MACROD2: variants seen among roughly 807,000 people sequenced by gnomAD.
MACROD2 encodes the protein mono-ADP ribosylhydrolase 2.
A neutral mutation model predicts 70.4 loss-of-function variants in MACROD2; 36 were observed. The observed-to-expected ratio is 0.51, with a 90% CI of 0.39 to 0.68. MACROD2 has a LOEUF of 0.68. Among genes scored for constraint, MACROD2 ranks in the 30% least tolerant of loss-of-function variants. The pLI is 0.00. For missense variants in MACROD2, 496 were observed against 538.4 expected (o/e 0.92, Z 0.78); for synonymous variants, 172 against 178.8 (o/e 0.96, Z 0.30).
intron 8 of MACROD2, among the ~76,000 whole-genome samples, chr20:15,731,620 A>G (rs2050944360): frequency 1.7e-5 from 1 of 58,536 alleles, no homozygotes; most frequent in African/African-American, 4.8e-5. Flanking sequence ...TGACCAAAGC[A>G]CTTCACTGGG....
At chr20:14,256,806 A>G (rs747861107) in intron 3 of MACROD2, among the ~76,000 whole-genome samples, 1 of 152,148 alleles carries the variant, frequency 6.6e-6, no homozygotes, top group Non-Finnish European at 1.5e-5. Context: ...CAGATTCTAG[A>G]TATTTGGCTT....
chr20:14,048,461 T>C (rs2053510665), intron 2 of MACROD2, among the ~76,000 whole-genome samples: 1 of 152,078 alleles, frequency 6.6e-6, no homozygotes, highest in Non-Finnish European at 1.5e-5. Context: ...GTTTCAAGCT[T>C]TAAGACCAGA....
intron 8 of MACROD2, among the ~76,000 whole-genome samples, chr20:15,770,409 A>G (rs1436784376): frequency 6.6e-6 from 1 of 152,102 alleles, no homozygotes; most frequent in African/African-American, 2.4e-5. Flanking sequence ...TGAAAGACTG[A>G]CTTCACTTCT....
At chr20:14,976,792 G>T (rs58783016) in intron 5 of MACROD2, among the ~76,000 whole-genome samples, 18,770 of 152,142 alleles carry the variant, frequency 0.12, 1,463 homozygotes, top group East Asian at 0.33. Flanking sequence ...CCATTTCCTC[G>T]TGTGTAAAAT....
intron 3 of MACROD2, among the ~76,000 whole-genome samples, chr20:14,098,283 A>T (rs965558421): frequency 1.3e-5 from 2 of 152,250 alleles, no homozygotes; most frequent in African/African-American, 4.8e-5. Context: ...TAGCTGTGAC[A>T]GTATTTACTT....
At chr20:14,138,339 C>T (rs1264092367) in intron 3 of MACROD2, among the ~76,000 whole-genome samples, 2 of 151,928 alleles carry the variant, frequency 1.3e-5, no homozygotes, top group African/African-American at 4.8e-5. Flanking sequence ...TAACAATAGC[C>T]AAGATATGGA....
Position 15,775,308 on chromosome 20 carries a change from C to T in MACROD2, c.646-87437C>T, listed in dbSNP as rs576322213. ...TAACATCAATAGGTGAAGCCAAGGT[C>T]GCAAAAACTCTTACTGCACATTCTC... On this transcript the variant is annotated intron_variant, in intron 8 of 17. Coordinates refer to ENST00000684519, the MANE Select transcript of MACROD2 (RefSeq NM_001351661.2). Among the ~76,000 whole-genome samples the T allele has an allele frequency of 2.6e-5, 4 of 152,042 alleles. No individual in the cohort carries two copies. The East Asian group carries it at 5.8e-4, about 22-fold the overall frequency.
At chr20:14,595,204 A>G (rs541639245) in intron 4 of MACROD2, among the ~76,000 whole-genome samples, 103 of 152,284 alleles carry the variant, frequency 6.8e-4, no homozygotes, top group African/African-American at 2.4e-3. Context: ...GTTCAGCTAA[A>G]AGCCCGGGGG....
intron 3 of MACROD2, among the ~76,000 whole-genome samples, chr20:14,480,732 G>A (rs1394789782): frequency 6.6e-6 from 1 of 152,030 alleles, no homozygotes; most frequent in Non-Finnish European, 1.5e-5. Context: ...ATGTCCAGAG[G>A]ATGCAAATTA....
chr20:15,246,041 G>A (rs962033666), intron 6 of MACROD2, among the ~76,000 whole-genome samples: 2 of 152,318 alleles, frequency 1.3e-5, no homozygotes, highest in Admixed American at 6.5e-5. Context: ...ATGTCCAGAT[G>A]TAACGAACCA....
intron 3 of MACROD2, among the ~76,000 whole-genome samples, chr20:14,287,384 A>G (rs2082353362): frequency 7.0e-6 from 1 of 142,682 alleles, no homozygotes; most frequent in Admixed American, 7.0e-5. Context: ...TGATTAGGAA[A>G]TGATGATGAT....
chr20:14,266,662 C>T (rs1376778521), intron 3 of MACROD2, among the ~76,000 whole-genome samples: 1 of 151,760 alleles, frequency 6.6e-6, no homozygotes, highest in Non-Finnish European at 1.5e-5. Flanking sequence ...TTAATTTTTT[C>T]CTGGGAAGTT....
At chr20:14,749,598 A>T (rs1449186300) in intron 5 of MACROD2, among the ~76,000 whole-genome samples, 1 of 152,146 alleles carries the variant, frequency 6.6e-6, no homozygotes, top group African/African-American at 2.4e-5. Context: ...ACTATTGCAT[A>T]TTTCAGTCAA....
intron 3 of MACROD2, among the ~76,000 whole-genome samples, chr20:14,425,893 C>T (rs943476866): frequency 5.9e-5 from 9 of 152,150 alleles, no homozygotes; most frequent in African/African-American, 1.7e-4. Flanking sequence ...TTTGAATGAT[C>T]TTGTATCTGA....
chr20:14,485,331 T>C (rs1482254162), intron 3 of MACROD2, among the ~76,000 whole-genome samples: 1 of 152,218 alleles, frequency 6.6e-6, no homozygotes, highest in Non-Finnish European at 1.5e-5. Flanking sequence ...GGTATATTGA[T>C]AAAAGAGAAA....
chr20:14,695,031 G>C (rs990723431), intron 5 of MACROD2, among the ~76,000 whole-genome samples: 1 of 151,948 alleles, frequency 6.6e-6, no homozygotes, highest in Admixed American at 6.6e-5. Context: ...AGAAAAGACT[G>C]TGGTTTCCCT....
At chr20:14,450,514 G>T (rs1471110878) in intron 3 of MACROD2, among the ~76,000 whole-genome samples, 7 of 152,030 alleles carry the variant, frequency 4.6e-5, no homozygotes, top group Admixed American at 4.6e-4. Flanking sequence ...ATCTTCAGTG[G>T]GAGTAGTTAG....
chr20:15,367,705 GT>G (rs1297978240), intron 6 of MACROD2, among the ~76,000 whole-genome samples: 2 of 151,224 alleles, frequency 1.3e-5, no homozygotes, highest in South Asian at 2.1e-4. Flanking sequence ...TGTTTGCTTT[GT>G]TTTTTTTAAA....
At chr20:15,618,684 C>T (rs904813898) in intron 8 of MACROD2, among the ~76,000 whole-genome samples, 2 of 152,164 alleles carry the variant, frequency 1.3e-5, no homozygotes, top group Non-Finnish European at 2.9e-5. Flanking sequence ...CTAACCCATG[C>T]CCAAGCCACC....
Sources: gnomAD v4.1 joint callset for allele counts (sites outside exome capture counted in the v4.1 genomes callset) on GRCh38, gnomAD v4.1.1 for gene constraint, MANE v1.5 for transcripts, NCBI Gene and HGNC (gene_info 2026-07-23, HGNC 2026-07-21) for gene names.